The following ENGASE variants were observed in gnomAD, a reference collection of about 807,000 sequenced individuals.
ENGASE encodes the protein endo-beta-N-acetylglucosaminidase.
In ENGASE, 69 loss-of-function variants were observed where a neutral mutation model predicts 78.5. That is an observed-to-expected ratio of 0.88 (90% confidence interval 0.72 to 1.07). The LOEUF (loss-of-function observed/expected upper bound fraction) is 1.07. ENGASE is among the 50% of genes least tolerant of loss of function. The probability of loss-of-function intolerance (pLI) is 0.00; values close to 1 mark genes in which losing one functional copy is unlikely to be tolerated. For synonymous variants in ENGASE, 408 were observed against 408.9 expected (o/e 1.00, Z 0.03); for missense variants, 943 against 988.4 (o/e 0.95, Z 0.62).
intron 13 of ENGASE, 41 bp downstream of exon 13, chr17:79,085,775 G>A (rs530742016): frequency 1.9e-6 from 3 of 1,607,004 alleles, no homozygotes; most frequent in East Asian, 4.5e-5. Context: ...CTGGCTGTTT[G>A]TCCAGCTGGA....
chr17:79,077,317 A>G, intron 1 of ENGASE, 113 bp from the exon 2 acceptor site: 1 of 923,598 alleles, frequency 1.1e-6, no homozygotes, highest in South Asian at 1.7e-5. Context: ...ATATTAAACA[A>G]CATAAGGCAG....
intron 13 of ENGASE, 88 bp downstream of exon 13, chr17:79,085,822 G>C: frequency 6.3e-7 from 1 of 1,597,060 alleles, no homozygotes; most frequent in African/African-American, 1.3e-5. Flanking sequence ...CCCCCTTCTT[G>C]GGTTCAGCGG....
chr17:79,077,743 C>G lies in ENGASE; in HGVS notation c.295C>G (p.Arg99Gly), dbSNP rs760147289. The part of the protein sequence containing the change: ...SLEELLAWKP[R>G]LEDGFNVALE... ...GGAGGAGCTCTTGGCGTGGAAGCCC[C>G]GCTTGGAGGATGGCTTTAATGTGGC... Residue 99 changes from arginine to glycine, a missense_variant, in exon 3 of 14, where the codon CGC (arginine) becomes GGC (glycine). Transcript: ENST00000579016. The G allele has an allele frequency of 8.1e-6, 13 of 1,614,066 alleles. No homozygotes were observed. In the South Asian group the frequency reaches 1.3e-4, roughly 16 times the overall value.
At chr17:79,075,571 G>A in intron 1 of ENGASE, 1 of 441,696 alleles carries the variant, frequency 2.3e-6, no homozygotes, top group Non-Finnish European at 3.0e-6. Context: ...TCCAACTGGC[G>A]GGGAACAGAA....
At chr17:79,080,002 A>G (rs557110428) in intron 4 of ENGASE, among the ~76,000 whole-genome samples, 1 of 152,228 alleles carries the variant, frequency 6.6e-6, no homozygotes, top group East Asian at 1.9e-4. Context: ...TTTAGCCTCA[A>G]TCCCGATCGT....
intron 12 of ENGASE, 132 bp downstream of exon 12, chr17:79,085,474 C>G (rs922611080): frequency 2.2e-6 from 3 of 1,349,026 alleles, no homozygotes; most frequent in Non-Finnish European, 3.0e-6. Context: ...AAGCCCAGGA[C>G]AGCTGCTGGG....
intron 5 of ENGASE, 50 bp downstream of exon 5, chr17:79,080,414 C>T: frequency 6.3e-7 from 1 of 1,592,084 alleles, no homozygotes; most frequent in Non-Finnish European, 8.5e-7. Context: ...GTGTTGCCGC[C>T]CACCTCCACC....
intron 1 of ENGASE, chr17:79,076,032 C>A (rs1482245071): frequency 4.9e-6 from 2 of 408,088 alleles, no homozygotes; most frequent in East Asian, 1.6e-4. Flanking sequence ...CCGTCCCCGA[C>A]CCCTGCAGTT....
chr17:79,083,718 T>C lies in ENGASE; in HGVS notation c.1252-43T>C. 1.3e-6 allele frequency: 2 copies of C among 1,586,626 alleles called. No homozygotes were observed. The highest frequency in any genetic ancestry group is 4.5e-5 in the East Asian group (2 of 44,568). ...CCTGCCGCTCCGGGCACCCCTGCTC[T>C]GTTGGCCTCTGCTGAGTGCCCCTGT... is the stretch of plus-strand genomic sequence containing the variant. On this transcript the variant is annotated intron_variant, in intron 9 of 13. Transcript: ENST00000579016. The surrounding 1 kb of genome is among the most constrained non-coding windows in gnomAD (Gnocchi z 4.9).
At chr17:79,079,161 G>T (rs1319512955) in intron 3 of ENGASE, among the ~76,000 whole-genome samples, 2 of 152,044 alleles carry the variant, frequency 1.3e-5, no homozygotes, top group South Asian at 2.1e-4. Context: ...ACCTGACTCT[G>T]TTTCTTTTTT....
rs1205169593 is a variant in ENGASE, at chr17:79,074,851, C to A, written c.-94C>A. 3.3e-6 allele frequency: 4 copies of A among 1,207,568 alleles called. No individual in the cohort carries two copies. The highest frequency in any genetic ancestry group is 4.1e-5 in the South Asian group (1 of 24,474). 74.8% of individuals were successfully genotyped at this position (1,207,568 alleles called of 1,614,324 possible). A position where few individuals can be genotyped will look rare whatever the true frequency, so the allele number is the denominator to read the frequency against. ...GAGTCAGCTCGGAGTCCCGTCCCAGCGCGGCGTCAGCGCTGCGCACTTCCC... is the reference window on the plus strand; with the variant it reads ...GAGTCAGCTCGGAGTCCCGTCCCAGAGCGGCGTCAGCGCTGCGCACTTCCC... On this transcript the variant is annotated 5_prime_UTR_variant, in exon 1 of 14. Coordinates refer to ENST00000579016, the MANE Select transcript of ENGASE (RefSeq NM_001042573.3).
rs199968843 is a variant in ENGASE, at chr17:79,086,229, C to T, written c.2112C>T (p.Ala704=). 2.5e-5 allele frequency: 41 copies of T among 1,613,452 alleles called. No individual in the cohort carries two copies. The highest frequency in any genetic ancestry group is 1.6e-4 in the Middle Eastern group (1 of 6,062). ...QYRIVDLLVE[A]AGPGQDRRME... is the part of the protein sequence containing the mutation. ...GGATAGTGGACCTGCTGGTGGAAGCCGCCGGGCCCGGCCAGGATCGTCGCA... is the reference window on the plus strand; with the variant it reads ...GGATAGTGGACCTGCTGGTGGAAGCTGCCGGGCCCGGCCAGGATCGTCGCA... The change falls in exon 14 of 14, where the codon GCC becomes GCT. Residue 704 remains alanine, a synonymous_variant. Transcript: ENST00000579016.
Position 79,083,908 on chromosome 17 carries a change from G to C in ENGASE, c.1399G>C (p.Val467Leu). ...CTGGCACGGAGGCAGCTCCCTGCTC[G>C]TCCGGGGTGTGATCCCACCGGAGGT... ...DAWHGGSSLLVRGVIPPEVGN... is the reference protein window; with the variant it reads ...DAWHGGSSLLLRGVIPPEVGN... Residue 467 changes from valine (V) to leucine (L), a missense_variant, in exon 10 of 14, where the codon GTC (valine) becomes CTC (leucine). Physicochemically the swap from Val to Leu is conservative, Grantham distance 32. Coordinates refer to ENST00000579016, the MANE Select transcript of ENGASE (RefSeq NM_001042573.3). This position sits in a 1 kb window ranked among gnomAD's most constrained non-coding sequence, Gnocchi z 4.9. 1.9e-6 allele frequency: 3 copies of C among 1,611,640 alleles called. No homozygotes were observed. Among genetic ancestry groups the C allele is most frequent in the Non-Finnish European group, 2.5e-6 (3 of 1,179,890 alleles).
intron 1 of ENGASE, among the ~76,000 whole-genome samples, chr17:79,076,426 T>A (rs1363346775): frequency 6.6e-6 from 1 of 152,090 alleles, no homozygotes; most frequent in Non-Finnish European, 1.5e-5. Flanking sequence ...TAGTCAGGCG[T>A]GGTGGCAGAT....
chr17:79,082,334 G>C (rs1420765417), intron 7 of ENGASE: 2 of 1,329,056 alleles, frequency 1.5e-6, no homozygotes, highest in Non-Finnish European at 1.9e-6. Flanking sequence ...CCCGCTGTCC[G>C]GTCCTCGGCG....
intron 13 of ENGASE, 23 bp downstream of exon 13, chr17:79,085,757 G>A (rs2073279364): frequency 3.1e-6 from 5 of 1,610,028 alleles, no homozygotes; most frequent in South Asian, 2.2e-5. Flanking sequence ...AGAGGGGCTC[G>A]GGCTGGGCTG....
At chr17:79,082,973 C>T in intron 7 of ENGASE, 47 bp from the exon 8 acceptor site, 1 of 1,599,356 alleles carries the variant, frequency 6.3e-7, no homozygotes, top group Non-Finnish European at 8.5e-7. Flanking sequence ...AGGAGCCTGT[C>T]TGGACTCTGG....
Position 79,079,552 on chromosome 17 carries a change from CTT to C in ENGASE, c.482_483del (p.Phe161CysfsTer36). 2 of 1,614,142 alleles carry C rather than the reference CTT, an allele frequency of 1.2e-6. No homozygotes were observed. The highest frequency in any genetic ancestry group is 1.7e-6 in the Non-Finnish European group (2 of 1,180,026). On this transcript the variant is annotated frameshift_variant, in exon 4 of 14. Coordinates refer to ENST00000579016, the MANE Select transcript of ENGASE (RefSeq NM_001042573.3). LOFTEE classifies it high-confidence loss of function. ...TCTACCACTGGCAGTGCATCGACGTCTTTGTGTACTTCAGCCACCACACCGTC... is the reference window on the plus strand; with the variant it reads ...TCTACCACTGGCAGTGCATCGACGTCTGTGTACTTCAGCCACCACACCGTC... ...AFYHWQCIDV[F>X]VYFSHHTVTI...
Position 79,083,766 on chromosome 17 carries a change from G to A in ENGASE, c.1257G>A (p.Glu419=). 6.2e-7 allele frequency: 1 copy of A among 1,608,312 alleles called. No homozygotes were observed. The highest frequency in any genetic ancestry group is 1.3e-5 in the African/African-American group (1 of 74,768). ...GARRVCYGQE[E]AVGPWYHLSA... ...TGTTCTGCCCTTTTCTTCAGGAAGA[G>A]GCGGTAGGGCCCTGGTACCACCTGA... The change falls in exon 10 of 14, where the codon GAG becomes GAA. Residue 419 remains glutamate (E), a synonymous_variant. Transcript: ENST00000579016. The surrounding 1 kb of genome is among the most constrained non-coding windows in gnomAD (Gnocchi z 4.9).
Sources: allele counts gnomAD v4.1 joint callset (sites outside exome capture counted in the v4.1 genomes callset), GRCh38; gene constraint gnomAD v4.1.1; non-coding constraint Gnocchi (gnomAD v3.1); transcripts MANE v1.5; gene names NCBI Gene and HGNC (gene_info 2026-07-23, HGNC 2026-07-21).